GPAT3: variants seen among roughly 807,000 people sequenced by gnomAD.
GPAT3 encodes the protein 1-AGP acyltransferase 9.
GPAT3 carries 53 observed loss-of-function variants against 58.8 expected under a neutral mutation model. The ratio of observed to expected loss-of-function variants is 0.90; its 90% CI spans 0.72 to 1.13. The LOEUF (loss-of-function observed/expected upper bound fraction) is 1.13, where lower values mean the gene tolerates loss of function less well. Among genes scored for constraint, GPAT3 ranks in the 50% most tolerant of loss-of-function variants. The probability of loss-of-function intolerance (pLI) is 0.00; values close to 1 mark genes in which losing one functional copy is unlikely to be tolerated. For synonymous variants in GPAT3, 197 were observed against 187.4 expected (o/e 1.05, Z -0.42); for missense variants, 511 against 527.6 (o/e 0.97, Z 0.31).
intron 1 of GPAT3, among the ~76,000 whole-genome samples, chr4:83,541,087 C>T (rs976321370): frequency 6.0e-4 from 92 of 152,256 alleles, no homozygotes; most frequent in African/African-American, 2.2e-3. Context: ...GGCAGAATTG[C>T]AATTCAAATC....
intron 2 of GPAT3, among the ~76,000 whole-genome samples, chr4:83,566,063 C>T (rs1430629028): frequency 2.6e-5 from 4 of 152,130 alleles, no homozygotes; most frequent in African/African-American, 4.8e-5. Context: ...TGTGGAATGC[C>T]GCCGAGCTGT....
chr4:83,604,098 T>C (rs1268191664), intron 11 of GPAT3, among the ~76,000 whole-genome samples: 1 of 152,234 alleles, frequency 6.6e-6, no homozygotes, highest in Admixed American at 6.5e-5. Context: ...TGAGACGAAG[T>C]TTTGCTCTTG....
chr4:83,580,892 T>C (rs4693093), intron 2 of GPAT3, among the ~76,000 whole-genome samples: 27,904 of 151,848 alleles, frequency 0.18, 3,234 homozygotes, highest in East Asian at 0.32. Context: ...GTCAGGAGAT[T>C]GAGACCATCC....
intron 7 of GPAT3, 140 bp downstream of exon 7, chr4:83,595,100 A>C: frequency 1.5e-6 from 1 of 669,818 alleles, no homozygotes; most frequent in South Asian, 1.9e-5. Flanking sequence ...TTTCTGGCAA[A>C]TCACCTGTCT....
intron 2 of GPAT3, among the ~76,000 whole-genome samples, chr4:83,549,874 C>T (rs1306105617): frequency 6.6e-6 from 1 of 151,910 alleles, no homozygotes; most frequent in Non-Finnish European, 1.5e-5. Context: ...AGGCATGCAC[C>T]ACCAAACCTG....
intron 3 of GPAT3, among the ~76,000 whole-genome samples, chr4:83,582,126 A>AGAAGAG (rs1249444458): frequency 1.3e-5 from 2 of 151,560 alleles, no homozygotes; most frequent in African/African-American, 4.9e-5. Flanking sequence ...GTGAAGAAGA[A>AGAAGAG]GAAGAGGAAG....
At chr4:83,565,932 A>G (rs186888543) in intron 2 of GPAT3, among the ~76,000 whole-genome samples, 4 of 152,322 alleles carry the variant, frequency 2.6e-5, no homozygotes, top group South Asian at 2.1e-4. Flanking sequence ...CCTCGAGCAA[A>G]GGCGTGTGTC....
intron 6 of GPAT3, among the ~76,000 whole-genome samples, chr4:83,591,225 G>T (rs1452751406): frequency 6.6e-6 from 1 of 152,140 alleles, no homozygotes; most frequent in African/African-American, 2.4e-5. Flanking sequence ...CTGCAAGTAG[G>T]AAGGTGGAGA....
chr4:83,578,031 C>G (rs1391476968), intron 2 of GPAT3, among the ~76,000 whole-genome samples: 1 of 151,980 alleles, frequency 6.6e-6, no homozygotes, highest in African/African-American at 2.4e-5. Context: ...AAACTCCTGA[C>G]CTCAAGTGAA....
At chr4:83,592,704 C>T (rs1726650379) in intron 6 of GPAT3, among the ~76,000 whole-genome samples, 1 of 152,114 alleles carries the variant, frequency 6.6e-6, no homozygotes, top group Non-Finnish European at 1.5e-5. Flanking sequence ...AAGAAAATCA[C>T]ATTAGAGCAC....
chr4:83,578,989 C>CTCTTTCT (rs1725947434), intron 2 of GPAT3, among the ~76,000 whole-genome samples: 3 of 58,932 alleles, frequency 5.1e-5, no homozygotes, highest in Non-Finnish European at 9.8e-5. Context: ...TCTTTCTTTC[C>CTCTTTCT]TTCCTTCCTT....
chr4:83,594,294 C>G (rs1374024412), intron 6 of GPAT3, among the ~76,000 whole-genome samples: 1 of 152,116 alleles, frequency 6.6e-6, no homozygotes, highest in East Asian at 1.9e-4. Flanking sequence ...ACAAGTAATG[C>G]TGTAGTTAAT....
At chr4:83,561,806 T>TAAA (rs749084360) in intron 2 of GPAT3, among the ~76,000 whole-genome samples, 1 of 133,194 alleles carries the variant, frequency 7.5e-6, no homozygotes, top group Non-Finnish European at 1.6e-5. Flanking sequence ...CCTTTTTTGG[T>TAAA]AAAAAAAAAA....
At chr4:83,539,437 A>G (rs1001704545) in intron 1 of GPAT3, among the ~76,000 whole-genome samples, 1 of 152,172 alleles carries the variant, frequency 6.6e-6, no homozygotes, top group African/African-American at 2.4e-5. Flanking sequence ...AGTTTTGTCT[A>G]TTATATGTTT....
At chr4:83,536,933 T>C (rs1480166240) in intron 1 of GPAT3, among the ~76,000 whole-genome samples, 170 bp downstream of exon 1, 1 of 152,214 alleles carries the variant, frequency 6.6e-6, no homozygotes, top group Non-Finnish European at 1.5e-5. Context: ...GCATCTCGGC[T>C]TCTTTCGCGG....
chr4:83,550,041 T>C (rs1171627396), intron 2 of GPAT3, among the ~76,000 whole-genome samples: 2 of 152,028 alleles, frequency 1.3e-5, no homozygotes, highest in African/African-American at 4.8e-5. Context: ...AATTTTTAAA[T>C]AGAGATGAGG....
At position 83,536,724 on chromosome 4, in the gene GPAT3, C is replaced by T. The variant is rs767908855; in HGVS notation, c.102C>T (p.Ile34=). The T allele has an allele frequency of 1.9e-6, 3 of 1,613,382 alleles. No individual in the cohort carries two copies. In the South Asian group the frequency reaches 3.3e-5, roughly 18 times the overall value. Residue 34 remains isoleucine (I), a synonymous_variant, in exon 1 of 12, where the codon ATC becomes ATT. Transcript: ENST00000264409. Reference sequence around the variant, plus strand: ...CGGTCTTCGGAGTGTCTCTGGGCATCTCCGAGATCTACATGAAGATCCTAG... The same window carrying T: ...CGGTCTTCGGAGTGTCTCTGGGCATTTCCGAGATCTACATGAAGATCCTAG... ...LPSVFGVSLG[I]SEIYMKILVK...
At chr4:83,573,126 A>G (rs1248282203) in intron 2 of GPAT3, among the ~76,000 whole-genome samples, 1 of 151,906 alleles carries the variant, frequency 6.6e-6, no homozygotes, top group Non-Finnish European at 1.5e-5. Context: ...ATGATCTTTT[A>G]TTTTATTTTA....
chr4:83,563,125 A>G (rs562229063), intron 2 of GPAT3, among the ~76,000 whole-genome samples: 3 of 152,306 alleles, frequency 2.0e-5, no homozygotes, highest in African/African-American at 7.2e-5. Flanking sequence ...TATCTTTACA[A>G]TTCTGAGGAC....
Sources: allele counts gnomAD v4.1 joint callset (sites outside exome capture counted in the v4.1 genomes callset), GRCh38; gene constraint gnomAD v4.1.1; transcripts MANE v1.5; gene names NCBI Gene and HGNC (gene_info 2026-07-23, HGNC 2026-07-21).